The following SMCHD1 variants were observed in gnomAD, a reference collection of about 807,000 sequenced individuals.
The protein encoded by SMCHD1 is structural maintenance of chromosomes flexible hinge domain containing 1, also known as structural maintenance of chromosomes flexible hinge domain-containing protein 1.
SMCHD1 carries 78 observed loss-of-function variants against 254.7 expected under a neutral mutation model. The ratio of observed to expected loss-of-function variants is 0.31; its 90% CI spans 0.26 to 0.37. The LOEUF is 0.37. Ranked by LOEUF, SMCHD1 falls within the 10% of genes least tolerant of loss-of-function variation. The pLI is 1.00. For missense variants in SMCHD1, 1,840 were observed against 2,408.1 expected (o/e 0.76, Z 4.94); for synonymous variants, 766 against 794.9 (o/e 0.96, Z 0.61).
chr18:2,665,071 C>T (rs1226415327), intron 1 of SMCHD1, among the ~76,000 whole-genome samples: 1 of 152,100 alleles, frequency 6.6e-6, no homozygotes, highest in Non-Finnish European at 1.5e-5. Context: ...CATTACTACC[C>T]GAAACAGAAG....
intron 47 of SMCHD1, chr18:2,796,825 T>G (rs2076272917): frequency 3.6e-6 from 1 of 276,574 alleles, no homozygotes; most frequent in African/African-American, 2.3e-5. Flanking sequence ...TCAAGCAGTC[T>G]GCCTGTCTTG....
rs569286158 is a variant in SMCHD1 at position 2,770,712 on chromosome 18, C to T, written c.4966+604C>T. ...TCTCACTCACTGCACCCTCTGCCTC[C>T]CAAGTTCAAGTGATTCTCGTGCCTC... On this transcript the variant is annotated intron_variant, in intron 39 of 47. Transcript: ENST00000320876. Among the ~76,000 whole-genome samples the T allele has an allele frequency of 4.6e-5, 7 of 152,222 alleles. No homozygotes were observed. In the South Asian group the frequency reaches 1.2e-3, roughly 27 times the overall value.
intron 3 of SMCHD1, among the ~76,000 whole-genome samples, chr18:2,670,940 C>CTT (rs1235079896): frequency 0.077 from 9,562 of 124,356 alleles, 778 homozygotes; most frequent in African/African-American, 0.2. Flanking sequence ...TCTTTTAATT[C>CTT]TTTTTTTTTT....
At chr18:2,721,649 A>G (rs2074930567) in intron 19 of SMCHD1, among the ~76,000 whole-genome samples, 1 of 152,142 alleles carries the variant, frequency 6.6e-6, no homozygotes, top group African/African-American at 2.4e-5. Context: ...ATGCCATGGT[A>G]CCTTCACTTC....
At chr18:2,662,041 C>A (rs1399802972) in intron 1 of SMCHD1, among the ~76,000 whole-genome samples, 1 of 141,082 alleles carries the variant, frequency 7.1e-6, no homozygotes, top group Non-Finnish European at 1.5e-5. Context: ...CGCCTGTAGT[C>A]CCAGCTACTC....
In SMCHD1 at chr18:2,801,665, TTTATG is replaced by T. The variant is rs1206279616; in HGVS notation, c.5994-860_5994-856del. Among the ~76,000 whole-genome samples the T allele has an allele frequency of 1.3e-5, 2 of 152,156 alleles. 1 individual carries two copies. The highest frequency in any genetic ancestry group is 3.8e-4 in the East Asian group (2 of 5,202). Reference sequence around the variant, plus strand: ...TTATATGTGTTTCTGTATATTTATGTTTATGTTTTTATTTACATATGTATACTGAA... The same window carrying T: ...TTATATGTGTTTCTGTATATTTATGTTTTTTATTTACATATGTATACTGAA... On this transcript the variant is annotated intron_variant, in intron 47 of 47. Transcript: ENST00000320876.
chr18:2,775,976 T>A, intron 42 of SMCHD1, 52 bp downstream of exon 42: 1 of 1,387,170 alleles, frequency 7.2e-7, no homozygotes, highest in Non-Finnish European at 9.7e-7. Flanking sequence ...TTCTGTTTTT[T>A]ATCAAAGCCT....
chr18:2,738,813 G>T (rs909575753), intron 26 of SMCHD1, among the ~76,000 whole-genome samples: 1 of 152,142 alleles, frequency 6.6e-6, no homozygotes, highest in East Asian at 1.9e-4. Flanking sequence ...TGACAAAGAC[G>T]TGAAAAATAC....
At chr18:2,796,682 G>A (rs1287103413) in intron 47 of SMCHD1, 161 bp downstream of exon 47, 6 of 566,380 alleles carry the variant, frequency 1.1e-5, no homozygotes, top group Middle Eastern at 4.3e-4. Flanking sequence ...CCAGGCCCAC[G>A]GGATTCTTGT....
At chr18:2,742,273 T>A (rs1217128680) in intron 28 of SMCHD1, among the ~76,000 whole-genome samples, 1 of 152,228 alleles carries the variant, frequency 6.6e-6, no homozygotes, top group East Asian at 1.9e-4. Flanking sequence ...TTTCTGTAAT[T>A]GACGTATACT....
intron 3 of SMCHD1, among the ~76,000 whole-genome samples, chr18:2,670,436 TC>T (rs1363198400): frequency 6.6e-6 from 1 of 152,178 alleles, no homozygotes; most frequent in African/African-American, 2.4e-5. Context: ...CTCTGCTGTT[TC>T]TTTTTTCTCT....
intron 1 of SMCHD1, 139 bp downstream of exon 1, chr18:2,656,400 C>A: frequency 1.2e-6 from 1 of 819,840 alleles, no homozygotes; most frequent in Non-Finnish European, 1.7e-6. Flanking sequence ...CTCCCGTGTG[C>A]CCGCCATGTC....
At chr18:2,711,771 C>T (rs1007097658) in intron 17 of SMCHD1, among the ~76,000 whole-genome samples, 6 of 152,216 alleles carry the variant, frequency 3.9e-5, no homozygotes, top group South Asian at 2.1e-4. Flanking sequence ...CGTGAGCCAC[C>T]GCGCCCGGCC....
At chr18:2,695,455 G>A (rs181512176) in intron 8 of SMCHD1, among the ~76,000 whole-genome samples, 29 of 151,988 alleles carry the variant, frequency 1.9e-4, no homozygotes, top group African/African-American at 4.8e-4. Flanking sequence ...GATTACAGGC[G>A]CGTGCCACCA....
intron 17 of SMCHD1, among the ~76,000 whole-genome samples, chr18:2,710,118 A>C (rs377689333): frequency 2.6e-5 from 4 of 152,126 alleles, no homozygotes; most frequent in African/African-American, 9.7e-5. Context: ...TTGCCTGTAG[A>C]TATCCAGTTT....
chr18:2,736,186 G>A (rs572584672), intron 25 of SMCHD1, among the ~76,000 whole-genome samples: 2 of 152,248 alleles, frequency 1.3e-5, no homozygotes, highest in Admixed American at 1.3e-4. Context: ...AAATGGTGCC[G>A]GGATAACTGG....
At chr18:2,744,264 A>G (rs1441037100) in intron 29 of SMCHD1, among the ~76,000 whole-genome samples, 1 of 152,128 alleles carries the variant, frequency 6.6e-6, no homozygotes, top group Non-Finnish European at 1.5e-5. Flanking sequence ...ATTTTTGCCA[A>G]TTTTGTTCTT....
intron 1 of SMCHD1, among the ~76,000 whole-genome samples, chr18:2,664,234 A>G (rs913782869): frequency 1.3e-5 from 2 of 152,216 alleles, no homozygotes; most frequent in African/African-American, 4.8e-5. Context: ...TCAAACCATT[A>G]AAATAAAGCA....
At chr18:2,662,181 AAAT>A (rs2073292363) in intron 1 of SMCHD1, among the ~76,000 whole-genome samples, 12 of 85,712 alleles carry the variant, frequency 1.4e-4, no homozygotes, top group South Asian at 4.0e-4. Flanking sequence ...AAAAAAAATA[AAAT>A]AAATAAATAA....
Sources: allele counts gnomAD v4.1 joint callset (sites outside exome capture counted in the v4.1 genomes callset), GRCh38; gene constraint gnomAD v4.1.1; transcripts MANE v1.5; gene names NCBI Gene and HGNC (gene_info 2026-07-23, HGNC 2026-07-21).